The following TMEM132D variants were observed in gnomAD, a reference collection of about 807,000 sequenced individuals.
TMEM132D encodes the protein transmembrane protein 132D.
Under a neutral mutation model 62.3 loss-of-function variants are expected in TMEM132D, and 21 were observed. The ratio of observed to expected loss-of-function variants is 0.34; its 90% confidence interval spans 0.24 to 0.49. TMEM132D has a LOEUF of 0.49. Ranked by LOEUF, TMEM132D falls within the 20% of genes least tolerant of loss-of-function variation. TMEM132D has a pLI of 0.99. For synonymous variants in TMEM132D, 621 were observed against 575.6 expected, an observed-to-expected ratio of 1.08 and a Z score of -1.13; for missense variants, 1,346 against 1,402.8, an observed-to-expected ratio of 0.96 and a Z score of 0.65.
At chr12:129,687,734 G>C (rs193207220) in intron 2 of TMEM132D, among the ~76,000 whole-genome samples, 9 of 152,214 alleles carry the variant, frequency 5.9e-5, no homozygotes, top group Admixed American at 1.3e-4. Context: ...GGCTTCCGAG[G>C]TCTAGGGAGC....
In TMEM132D at chr12:129,700,135, A is replaced by T. The variant is rs1424393435; in HGVS notation, c.643T>A (p.Ser215Thr). ...PPTVVAGRRK[S>T]VDQPEGTPVE... The stretch of plus-strand genomic sequence containing the variant: ...GGGGTCCCCTCCGGCTGGTCCACGG[A>T]CTTCCTCCTCCCGGCAACCACCGTG... Residue 215 changes from serine to threonine, a missense_variant, in exon 2 of 9, where the codon TCC (serine) becomes ACC (threonine). By Grantham distance (58) the Ser-to-Thr change is moderately conservative. Coordinates refer to ENST00000422113, the MANE Select transcript of TMEM132D (RefSeq NM_133448.3). The T allele has an allele frequency of 1.2e-6, 2 of 1,612,840 alleles. No individual in the cohort carries two copies. The highest frequency in any genetic ancestry group is 1.7e-6 in the Non-Finnish European group (2 of 1,179,976).
At chr12:129,709,369 A>T (rs1270228730) in intron 1 of TMEM132D, among the ~76,000 whole-genome samples, 2 of 152,232 alleles carry the variant, frequency 1.3e-5, no homozygotes, top group Non-Finnish European at 2.9e-5. Context: ...CAAACTATAG[A>T]TCCAAAGAAA....
intron 1 of TMEM132D, among the ~76,000 whole-genome samples, chr12:129,866,131 C>T (rs527334566): frequency 5.3e-5 from 8 of 152,104 alleles, no homozygotes; most frequent in East Asian, 1.9e-4. Flanking sequence ...AAAAAGGGTT[C>T]GACATGACTA....
intron 4 of TMEM132D, among the ~76,000 whole-genome samples, 171 bp downstream of exon 4, chr12:129,337,441 GCACACACACACACACACACACA>G (rs34583805): frequency 6.8e-6 from 1 of 148,112 alleles, no homozygotes; most frequent in Admixed American, 6.7e-5. Context: ...ATACACACAC[GCACACACACACACACACACACA>G]CACACACACA....
chr12:129,901,493 T>C (rs1174987824), intron 1 of TMEM132D, among the ~76,000 whole-genome samples: 7 of 152,240 alleles, frequency 4.6e-5, no homozygotes, highest in Non-Finnish European at 1.0e-4. Flanking sequence ...GATTCACTTT[T>C]GAACTGTCTG....
chr12:129,604,257 C>G, intron 2 of TMEM132D, among the ~76,000 whole-genome samples: 1 of 152,128 alleles, frequency 6.6e-6, no homozygotes, highest in East Asian at 1.9e-4. Context: ...ATAGGTGCAG[C>G]AACCCACCAT....
At chr12:129,577,632 A>T (rs1376249481) in intron 2 of TMEM132D, among the ~76,000 whole-genome samples, 1 of 150,234 alleles carries the variant, frequency 6.7e-6, no homozygotes, top group Non-Finnish European at 1.5e-5. Context: ...TATTATTTGC[A>T]TTCATGACAT....
chr12:129,900,694 C>A (rs1209263877), intron 1 of TMEM132D, among the ~76,000 whole-genome samples: 6 of 152,158 alleles, frequency 3.9e-5, no homozygotes, highest in African/African-American at 1.4e-4. Flanking sequence ...CATACACCTG[C>A]CCCCTCCCAT....
intron 4 of TMEM132D, among the ~76,000 whole-genome samples, chr12:129,330,954 A>C (rs1869083086): frequency 6.6e-6 from 1 of 152,156 alleles, no homozygotes; most frequent in Admixed American, 6.5e-5. Flanking sequence ...GGCTCCAAAC[A>C]CATGATCTCA....
rs1202738081 is a variant in TMEM132D, at chr12:129,309,566, C to T, written c.1299+28068G>A. Among the ~76,000 whole-genome samples, 6 of 152,252 alleles carry T rather than the reference C, an allele frequency of 3.9e-5. No homozygotes were observed. The East Asian group carries it at 7.7e-4, about 20-fold the overall frequency. On this transcript the variant is annotated intron_variant, in intron 4 of 8. Coordinates refer to ENST00000422113, the MANE Select transcript of TMEM132D (RefSeq NM_133448.3). ...TAGACAGTTATCCAGCCTACAGTCC[C>T]ATCTCACCAGAACCCCACCCGGATC... is the stretch of plus-strand genomic sequence containing the variant.
At chr12:129,516,875 T>C (rs945788465) in intron 3 of TMEM132D, among the ~76,000 whole-genome samples, 1 of 152,166 alleles carries the variant, frequency 6.6e-6, no homozygotes, top group East Asian at 1.9e-4. Flanking sequence ...GGAGAATCCA[T>C]TGCCTTGCTT....
chr12:129,385,889 T>C (rs781364351), intron 3 of TMEM132D, among the ~76,000 whole-genome samples: 1 of 152,204 alleles, frequency 6.6e-6, no homozygotes, highest in Non-Finnish European at 1.5e-5. Context: ...AATTCTGACA[T>C]TGCACACAGA....
intron 3 of TMEM132D, among the ~76,000 whole-genome samples, chr12:129,459,240 C>T (rs1873579558): frequency 2.0e-5 from 3 of 152,166 alleles, no homozygotes. Flanking sequence ...TGAGAGGAGC[C>T]TGTCTGCAGT....
chr12:129,809,419 C>T (rs1872097887), intron 1 of TMEM132D, among the ~76,000 whole-genome samples: 2 of 151,726 alleles, frequency 1.3e-5, no homozygotes, highest in Non-Finnish European at 1.5e-5. Flanking sequence ...GGAAGGAACA[C>T]GGGAGCCGGG....
chr12:129,800,802 A>G (rs1173147628), intron 1 of TMEM132D, among the ~76,000 whole-genome samples: 3 of 152,002 alleles, frequency 2.0e-5, no homozygotes, highest in Non-Finnish European at 4.4e-5. Flanking sequence ...CATCTGAGGT[A>G]CCGGGCTCAT....
At chr12:129,151,938 T>G (rs1593278118) in intron 5 of TMEM132D, among the ~76,000 whole-genome samples, 1 of 147,490 alleles carries the variant, frequency 6.8e-6, no homozygotes, top group Non-Finnish European at 1.5e-5. Flanking sequence ...AGTGCAGTGG[T>G]GCAATCTTGG....
intron 1 of TMEM132D, among the ~76,000 whole-genome samples, chr12:129,850,563 A>G (rs2137352420): frequency 6.6e-6 from 1 of 152,304 alleles, no homozygotes; most frequent in East Asian, 1.9e-4. Flanking sequence ...AGTTGTTAAC[A>G]TTATTTTGCT....
chr12:129,529,024 G>A (rs1250762739), intron 3 of TMEM132D, among the ~76,000 whole-genome samples: 1 of 152,162 alleles, frequency 6.6e-6, no homozygotes, highest in Non-Finnish European at 1.5e-5. Flanking sequence ...TATGCTGTAT[G>A]CATGTACACA....
At chr12:129,268,570 C>A (rs767347758) in intron 4 of TMEM132D, among the ~76,000 whole-genome samples, 1 of 152,216 alleles carries the variant, frequency 6.6e-6, no homozygotes, top group African/African-American at 2.4e-5. Context: ...AATAGGAACA[C>A]TGTTACACTG....
Sources: gnomAD v4.1 joint callset for allele counts (sites outside exome capture counted in the v4.1 genomes callset) on GRCh38, gnomAD v4.1.1 for gene constraint, MANE v1.5 for transcripts, NCBI Gene and HGNC (gene_info 2026-07-23, HGNC 2026-07-21) for gene names.